The following IVD variants were observed in gnomAD, a reference collection of about 807,000 sequenced individuals.
The protein encoded by IVD is isovaleryl-CoA dehydrogenase, mitochondrial.
In IVD, 31 loss-of-function variants were observed where a neutral mutation model predicts 51.3. The ratio of observed to expected loss-of-function variants is 0.60; its 90% CI spans 0.45 to 0.81. IVD has a LOEUF of 0.81. IVD is among the 40% of genes least tolerant of loss of function. The pLI is 0.00. For missense variants in IVD, 475 were observed against 552.0 expected (o/e 0.86, Z 1.40); for synonymous variants, 205 against 219.4 (o/e 0.93, Z 0.58).
At chr15:40,417,131 G>A (rs980185243) in intron 11 of IVD, among the ~76,000 whole-genome samples, 3 of 151,346 alleles carry the variant, frequency 2.0e-5, no homozygotes, top group Non-Finnish European at 4.4e-5. Flanking sequence ...TTGAACCCAG[G>A]AGGCGGAGGT....
chr15:40,420,225 C>A lies in IVD; in HGVS notation c.*1962C>A. On this transcript the variant is annotated 3_prime_UTR_variant, in exon 12 of 12. Transcript: ENST00000487418. ...GCTCCTCCTGTACAGCACCTCTGAG[C>A]CCTTGTGCACCGCCCTGCCACGGGC... 1.0e-6 allele frequency: 1 copy of A among 986,756 alleles called. No individual in the cohort carries two copies. Among genetic ancestry groups the A allele is most frequent in the Non-Finnish European group, 1.2e-6 (1 of 830,182 alleles). 61.1% of individuals were successfully genotyped at this position (986,756 alleles called of 1,614,324 possible). A position where few individuals can be genotyped will look rare whatever the true frequency, so the allele number is the denominator to read the frequency against.
intron 7 of IVD, among the ~76,000 whole-genome samples, chr15:40,413,542 C>T (rs73385110): frequency 0.026 from 4,018 of 152,104 alleles, 196 homozygotes; most frequent in African/African-American, 0.093. Flanking sequence ...GGCAGTTCTG[C>T]TTGAGTATGA....
In IVD at chr15:40,418,539, G is replaced by A. The variant is rs1891962016; in HGVS notation, c.*276G>A. On this transcript the variant is annotated 3_prime_UTR_variant, in exon 12 of 12. Coordinates refer to ENST00000487418, the MANE Select transcript of IVD (RefSeq NM_002225.5). ...TGTTGGGACAGGTTTTGGTGACTCTGTGCCCTTGCTCTCTAACTTCTGAGC... is the reference window on the plus strand; with the variant it reads ...TGTTGGGACAGGTTTTGGTGACTCTATGCCCTTGCTCTCTAACTTCTGAGC... The A allele has an allele frequency of 8.0e-7, 1 of 1,252,380 alleles. No homozygotes were observed. Among genetic ancestry groups the A allele is most frequent in the Non-Finnish European group, 1.0e-6 (1 of 983,166 alleles). 77.6% of individuals were successfully genotyped at this position (1,252,380 alleles called of 1,614,324 possible).
rs1336004818 is a variant in IVD, at chr15:40,419,309, A to C, written c.*1046A>C. On this transcript the variant is annotated 3_prime_UTR_variant, in exon 12 of 12. Coordinates refer to ENST00000487418, the MANE Select transcript of IVD (RefSeq NM_002225.5). ...GTGGATCACTTGCAGTCAGGAGTTC[A>C]AGACCAGCCTGTCCAACGTGGTGAA... is the stretch of plus-strand genomic sequence containing the variant. 9.6e-7 allele frequency: 1 copy of C among 1,043,094 alleles called. No homozygotes were observed. Among genetic ancestry groups the C allele is most frequent in the Non-Finnish European group, 1.3e-6 (1 of 769,234 alleles). The allele number at this position is 1,043,094 out of a possible 1,614,324, so 64.6% of individuals were successfully genotyped here. A position where few individuals can be genotyped will look rare whatever the true frequency, so the allele number is the denominator to read the frequency against.
chr15:40,420,073 A>G lies in IVD; in HGVS notation c.*1810A>G. On this transcript the variant is annotated 3_prime_UTR_variant, in exon 12 of 12. Coordinates refer to ENST00000487418, the MANE Select transcript of IVD (RefSeq NM_002225.5). The stretch of plus-strand genomic sequence containing the variant: ...AGCTGAGATCGCGCCATTGCACTCC[A>G]GCCTGGGCAACAGAGTGAGACTCTG... 1.1e-6 allele frequency: 1 copy of G among 951,202 alleles called. No homozygotes were observed. The highest frequency in any genetic ancestry group is 1.3e-6 in the Non-Finnish European group (1 of 798,552). The allele number at this position is 951,202 out of a possible 1,614,324, so 58.9% of individuals were successfully genotyped here.
At chr15:40,428,811 C>T (rs1892814813), downstream of IVD, among the ~76,000 whole-genome samples, 1 of 152,194 alleles carries the variant, frequency 6.6e-6, no homozygotes, top group South Asian at 2.1e-4. Context: ...AAGACAATCT[C>T]TCTGTAGGAC....
At chr15:40,422,663 G>T (rs982291637), downstream of IVD, among the ~76,000 whole-genome samples, 7 of 135,014 alleles carry the variant, frequency 5.2e-5, no homozygotes. Flanking sequence ...GCAGTGGCGC[G>T]ATCCCAGCTC....
Position 40,406,030 on chromosome 15 carries a change from C to A in IVD, c.144+59C>A. The A allele has an allele frequency of 8.0e-6, 11 of 1,379,780 alleles. No individual in the cohort carries two copies. The South Asian group carries it at 1.3e-4, about 17-fold the overall frequency. 85.5% of individuals were successfully genotyped at this position (1,379,780 alleles called of 1,614,324 possible). A position where few individuals can be genotyped will look rare whatever the true frequency, so the allele number is the denominator to read the frequency against. ...CCTCCTTCCTGCCTGGTCCCCAAGG[C>A]CTCCTTCCTGCCTGGTCCCCATCGG... On this transcript the variant is annotated intron_variant, in intron 1 of 11. Transcript: ENST00000487418.
rs1891674455 is a variant in IVD at position 40,416,292 on chromosome 15, CTG to C, written c.1071_1072del (p.Ala358ArgfsTer8). Reference sequence around the variant, plus strand: ...CTGACCCCAGCTTCCTCCCGTAGGACTGTGCAGGTGTGATTCTTTACTCAGCT... The same window carrying C: ...CTGACCCCAGCTTCCTCCCGTAGGACTGCAGGTGTGATTCTTTACTCAGCT... ...CDEGHCTAKD[C>X]AGVILYSAEC... On this transcript the variant is annotated frameshift_variant, in exon 11 of 12. Transcript: ENST00000487418. LOFTEE classifies it high-confidence loss of function. 6.2e-7 allele frequency: 1 copy of C among 1,614,264 alleles called. No homozygotes were observed. The highest frequency in any genetic ancestry group is 8.5e-7 in the Non-Finnish European group (1 of 1,180,038).
chr15:40,411,126 T>C (rs549679836), intron 4 of IVD, 134 bp from the exon 5 acceptor site: 7 of 911,304 alleles, frequency 7.7e-6, no homozygotes, highest in East Asian at 2.4e-5. Context: ...AAGAGACTTC[T>C]AGGACTTTAC....
Position 40,420,209 on chromosome 15 carries a change from G to T in IVD, c.*1946G>T, listed in dbSNP as rs1450694462. On this transcript the variant is annotated 3_prime_UTR_variant, in exon 12 of 12. Transcript: ENST00000487418. ...TACTGTTGGAAGACTGGCTCCTCCT[G>T]TACAGCACCTCTGAGCCCTTGTGCA... 9 of 986,216 alleles carry T rather than the reference G, an allele frequency of 9.1e-6. No individual in the cohort carries two copies. The highest frequency in any genetic ancestry group is 1.1e-5 in the Non-Finnish European group (9 of 830,170). The allele number at this position is 986,216 out of a possible 1,614,324, so 61.1% of individuals were successfully genotyped here.
In IVD at chr15:40,411,545, C is replaced by T. The variant is rs1193644854; in HGVS notation, c.551-10C>T. On this transcript the variant is annotated splice_polypyrimidine_tract_variant and intron_variant, in intron 5 of 11. Transcript: ENST00000487418. ...ATGGCTTGAGCAAATAGCCAACATC[C>T]TGCCCTTAGGAAATCACTACATCCT... 2 of 1,614,212 alleles carry T rather than the reference C, an allele frequency of 1.2e-6. No homozygotes were observed. The highest frequency in any genetic ancestry group is 1.7e-5 in the Admixed American group (1 of 60,026).
intron 3 of IVD, among the ~76,000 whole-genome samples, chr15:40,408,282 T>C (rs1282741752): frequency 2.0e-5 from 3 of 152,174 alleles, no homozygotes; most frequent in African/African-American, 7.2e-5. Context: ...ACCCAGGTGA[T>C]TTGGGAAGTT....
intron 10 of IVD, 33 bp from the exon 11 acceptor site, chr15:40,416,257 C>A: frequency 6.2e-7 from 1 of 1,613,640 alleles, no homozygotes; most frequent in Non-Finnish European, 8.5e-7. Context: ...GCGTGCCTCG[C>A]AGGGCCCTGC....
chr15:40,430,525 T>C (rs1892912271), intron 7 of IVD, among the ~76,000 whole-genome samples: 1 of 152,286 alleles, frequency 6.6e-6, no homozygotes, highest in African/African-American at 2.4e-5. Flanking sequence ...TGAGGCAGTC[T>C]ATTTTGGAAA....
At chr15:40,431,013 T>C (rs754846970) in intron 7 of IVD, among the ~76,000 whole-genome samples, 2 of 152,160 alleles carry the variant, frequency 1.3e-5, no homozygotes, top group Non-Finnish European at 2.9e-5. Flanking sequence ...TAACAGACAT[T>C]TGGAAAACAT....
rs530246690 is a variant in IVD at position 40,413,204 on chromosome 15, G to C, written c.784+117G>C. 5.2e-5 allele frequency: 43 copies of C among 824,992 alleles called. No individual in the cohort carries two copies. The African/African-American group carries it at 6.7e-4, about 13-fold the overall frequency. The allele number at this position is 824,992 out of a possible 1,614,324, so 51.1% of individuals were successfully genotyped here. A position where few individuals can be genotyped will look rare whatever the true frequency, so the allele number is the denominator to read the frequency against. On this transcript the variant is annotated intron_variant, in intron 7 of 11. Transcript: ENST00000487418. ...GAGGCTTGGCATTGTTAGCGCTTCA[G>C]TGACATGTGGCTAGGCTGTGAGCTG...
At chr15:40,415,003 G>A (rs1250056374) in intron 8 of IVD, 21 bp downstream of exon 8, 5 of 1,612,870 alleles carry the variant, frequency 3.1e-6, no homozygotes, top group South Asian at 1.1e-5. Context: ...GAGGCTTGAG[G>A]GAAGCTGGGC....
At chr15:40,426,093 C>T (rs1049023402), downstream of IVD, among the ~76,000 whole-genome samples, 6 of 151,998 alleles carry the variant, frequency 3.9e-5, no homozygotes, top group African/African-American at 9.7e-5. Flanking sequence ...GTGTGAGCCA[C>T]GGTGCCCAGC....
Sources: gnomAD v4.1 joint callset for allele counts (sites outside exome capture counted in the v4.1 genomes callset) on GRCh38, gnomAD v4.1.1 for gene constraint, MANE v1.5 for transcripts, NCBI Gene and HGNC (gene_info 2026-07-23, HGNC 2026-07-21) for gene names.